Variants in TWSG1 observed in about 807,000 individuals in gnomAD.
The protein encoded by TWSG1 is twisted gastrulation BMP signaling modulator 1.
Under a neutral mutation model 23.0 loss-of-function variants are expected in TWSG1, and 15 were observed. The observed-to-expected ratio is 0.65, with a 90% CI of 0.44 to 1.00. The LOEUF (loss-of-function observed/expected upper bound fraction) is 1.00. Ranked by LOEUF, TWSG1 falls within the 50% of genes least tolerant of loss-of-function variation. The pLI is 0.00. For synonymous variants in TWSG1, 86 were observed against 92.8 expected (o/e 0.93, Z 0.42); for missense variants, 242 against 278.7 (o/e 0.87, Z 0.94).
rs981751974 is a variant in TWSG1 at position 9,401,078 on chromosome 18, T to C, written c.*1551T>C. On this transcript the variant is annotated 3_prime_UTR_variant, in exon 5 of 5. Coordinates refer to ENST00000262120, the MANE Select transcript of TWSG1 (RefSeq NM_020648.6). ...GATCAACTGTTATAAATTAAGGTCTTAATACCTTTTCTGCTCTTTCAAATA... is the reference window on the plus strand; with the variant it reads ...GATCAACTGTTATAAATTAAGGTCTCAATACCTTTTCTGCTCTTTCAAATA... The C allele has an allele frequency of 6.6e-6, 1 of 152,244 alleles. No homozygotes were observed. The highest frequency in any genetic ancestry group is 2.4e-5 in the African/African-American group (1 of 41,476). The allele number at this position is 152,244 out of a possible 1,614,324, so 9.4% of individuals were successfully genotyped here.
At position 9,344,531 on chromosome 18, in the gene TWSG1, A is replaced by ATGTTTTTT. The variant is rs756535502; in HGVS notation, c.123+7180_123+7181insGTTTTTTT. 0.043 allele frequency among the ~76,000 whole-genome samples: 4,398 copies of ATGTTTTTT among 101,976 alleles called. 581 individuals are homozygous for ATGTTTTTT. In the East Asian group the frequency reaches 0.43, roughly 10 times the overall value. 66.9% of individuals were successfully genotyped at this position (101,976 alleles called of 152,430 possible). ...TGTGTGTGTGTGTGTGTATGTATGTATTTTTTTTTTTTTTTGAGAGAGGAT... is the reference window on the plus strand; with the variant it reads ...TGTGTGTGTGTGTGTGTATGTATGTATGTTTTTTTTTTTTTTTTTTTTTGAGAGAGGAT... On this transcript the variant is annotated intron_variant, in intron 2 of 4. Coordinates refer to ENST00000262120, the MANE Select transcript of TWSG1 (RefSeq NM_020648.6).
intron 3 of TWSG1, 131 bp downstream of exon 3, chr18:9,360,202 G>C (rs1485927103): frequency 1.7e-6 from 1 of 602,802 alleles, no homozygotes; most frequent in African/African-American, 1.8e-5. Context: ...TAAACATACA[G>C]AACATTGTAT....
chr18:9,361,699 T>C (rs1385906912), intron 3 of TWSG1, among the ~76,000 whole-genome samples: 2 of 152,226 alleles, frequency 1.3e-5, no homozygotes, highest in Admixed American at 6.5e-5. Flanking sequence ...ACAGTAAGCA[T>C]ACTTTTATTT....
chr18:9,394,763 C>T (rs1246544547), intron 3 of TWSG1, among the ~76,000 whole-genome samples: 1 of 152,050 alleles, frequency 6.6e-6, no homozygotes, highest in East Asian at 1.9e-4. Context: ...GACACACACA[C>T]ATGCATGCAT....
intron 2 of TWSG1, among the ~76,000 whole-genome samples, chr18:9,348,147 T>C (rs966394342): frequency 3.9e-5 from 6 of 152,216 alleles, no homozygotes; most frequent in African/African-American, 1.4e-4. Flanking sequence ...ATGTGTTCTC[T>C]GCTCTGAGGC....
At chr18:9,348,188 A>T (rs943530202) in intron 2 of TWSG1, among the ~76,000 whole-genome samples, 5 of 152,082 alleles carry the variant, frequency 3.3e-5, no homozygotes, top group Admixed American at 6.6e-5. Flanking sequence ...ATTGTTGGTT[A>T]TTTGTTTATT....
In TWSG1 at chr18:9,396,343, T is replaced by G. The variant is rs1196491042; in HGVS notation, c.287T>G (p.Leu96Arg). Reference protein sequence around the residue: ...PPTSKSTVEELHEPIPSLFRA... With the variant: ...PPTSKSTVEERHEPIPSLFRA... ...ACTTCAAAGAGCACAGTGGAGGAGC[T>G]GCATGAACCGATCCCTTCTCTCTTC... The change falls in exon 4 of 5, where the codon CTG becomes CGG. Residue 96 changes from leucine to arginine, a missense_variant. Leu to Arg is a moderately radical substitution (Grantham distance 102). Transcript: ENST00000262120. The G allele has an allele frequency of 6.2e-7, 1 of 1,614,136 alleles. No individual in the cohort carries two copies. Among genetic ancestry groups the G allele is most frequent in the Non-Finnish European group, 8.5e-7 (1 of 1,179,984 alleles).
chr18:9,399,295 T>G (rs779771798), intron 4 of TWSG1, 51 bp from the exon 5 acceptor site: 37 of 1,357,544 alleles, frequency 2.7e-5, no homozygotes, highest in Non-Finnish European at 3.6e-5. Flanking sequence ...GCATTTTATT[T>G]TTTTGTTTTT....
At chr18:9,350,873 A>G (rs1415473248) in intron 2 of TWSG1, among the ~76,000 whole-genome samples, 1 of 152,106 alleles carries the variant, frequency 6.6e-6, no homozygotes, top group Non-Finnish European at 1.5e-5. Context: ...ATTTGTTATA[A>G]CCCAATCTAA....
intron 3 of TWSG1, among the ~76,000 whole-genome samples, chr18:9,365,283 C>T (rs1169732617): frequency 6.6e-6 from 1 of 152,116 alleles, no homozygotes; most frequent in Non-Finnish European, 1.5e-5. Flanking sequence ...GATTGCACTA[C>T]AGCACTCCAG....
At chr18:9,359,831 A>G in intron 2 of TWSG1, 141 bp from the exon 3 acceptor site, 1 of 558,618 alleles carries the variant, frequency 1.8e-6, no homozygotes, top group South Asian at 2.5e-5. Flanking sequence ...GTTCTGATGA[A>G]TAGTTAATAA....
chr18:9,354,617 G>A (rs1281272968), intron 2 of TWSG1, among the ~76,000 whole-genome samples: 2 of 152,186 alleles, frequency 1.3e-5, no homozygotes, highest in Non-Finnish European at 2.9e-5. Context: ...ACAAGGTGTG[G>A]AAAGGATTAA....
intron 3 of TWSG1, 127 bp downstream of exon 3, chr18:9,360,198 T>C: frequency 1.6e-6 from 1 of 619,294 alleles, no homozygotes. Context: ...ATAGTAAACA[T>C]ACAGAACATT....
At chr18:9,373,154 A>T (rs189095133) in intron 3 of TWSG1, among the ~76,000 whole-genome samples, 8 of 152,348 alleles carry the variant, frequency 5.3e-5, no homozygotes, top group African/African-American at 1.9e-4. Context: ...GTTATCAGAG[A>T]TAAAGAGGGA....
intron 3 of TWSG1, among the ~76,000 whole-genome samples, chr18:9,383,180 C>A (rs1306715947): frequency 1.7e-5 from 2 of 115,482 alleles, no homozygotes; most frequent in Non-Finnish European, 3.5e-5. Flanking sequence ...ATCCGAATTA[C>A]ACGTTTTTTT....
Position 9,381,055 on chromosome 18 carries a change from T to A in TWSG1, c.224-15225T>A, listed in dbSNP as rs146401927. The stretch of plus-strand genomic sequence containing the variant: ...AATTATAATGTTGATTTGGTTCTTT[T>A]AAAAAACTAAACACACCCTCTGGAG... On this transcript the variant is annotated intron_variant, in intron 3 of 4. Transcript: ENST00000262120. Among the ~76,000 whole-genome samples the A allele has an allele frequency of 7.7e-3, 1,168 of 152,312 alleles. 18 individuals are homozygous for A. The highest frequency in any genetic ancestry group is 0.026 in the African/African-American group (1,094 of 41,562).
rs2040763967 is a variant in TWSG1, at chr18:9,401,825, G to A, written c.*2298G>A. Reference sequence around the variant, plus strand: ...CATTCACTTCTATATTGAAGTTTTGGTAAAAATTCTTTTTTCTTTTTTAAT... The same window carrying A: ...CATTCACTTCTATATTGAAGTTTTGATAAAAATTCTTTTTTCTTTTTTAAT... On this transcript the variant is annotated 3_prime_UTR_variant, in exon 5 of 5. Coordinates refer to ENST00000262120, the MANE Select transcript of TWSG1 (RefSeq NM_020648.6). 1 of 151,922 alleles carries A rather than the reference G, an allele frequency of 6.6e-6. No individual in the cohort carries two copies. The highest frequency in any genetic ancestry group is 2.4e-5 in the African/African-American group (1 of 41,372). The allele number at this position is 151,922 out of a possible 1,614,324, so 9.4% of individuals were successfully genotyped here.
rs569551384 is a variant in TWSG1, at chr18:9,340,502, A to G, written c.123+3150A>G. On this transcript the variant is annotated intron_variant, in intron 2 of 4. Coordinates refer to ENST00000262120, the MANE Select transcript of TWSG1 (RefSeq NM_020648.6). ...TTCCACTCTTCACCTAGTTTTGTGG[A>G]CTCCCAAACTCTAGCAGATTATTTC... Among the ~76,000 whole-genome samples the G allele has an allele frequency of 2.4e-4, 37 of 151,710 alleles. 1 individual carries two copies. Among genetic ancestry groups the G allele is most frequent in the Admixed American group, 1.8e-3 (28 of 15,212 alleles).
intron 2 of TWSG1, among the ~76,000 whole-genome samples, chr18:9,340,489 C>G (rs564893732): frequency 2.0e-5 from 3 of 151,928 alleles, no homozygotes; most frequent in Non-Finnish European, 4.4e-5. Context: ...CCACTCTTCA[C>G]CTAGTTTTGT....
Sources: allele counts gnomAD v4.1 joint callset (sites outside exome capture counted in the v4.1 genomes callset), GRCh38; gene constraint gnomAD v4.1.1; transcripts MANE v1.5; gene names NCBI Gene and HGNC (gene_info 2026-07-23, HGNC 2026-07-21).